Variants in TNXB observed in about 807,000 individuals in gnomAD.
TNXB encodes the protein tenascin-X.
In TNXB, 183 loss-of-function variants were observed where a neutral mutation model predicts 340.5. The observed-to-expected ratio is 0.54, with a 90% CI of 0.48 to 0.61. The LOEUF is 0.61. TNXB is among the 20% of genes least tolerant of loss of function. TNXB has a pLI of 0.00. For missense variants in TNXB, 4,613 were observed against 5,446.4 expected (o/e 0.85, Z 4.82); for synonymous variants, 2,121 against 2,314.5 (o/e 0.92, Z 2.40).
Position 32,090,303 on chromosome 6 carries a change from A to C in TNXB, c.2359-924T>G, listed in dbSNP as rs1348985776. On this transcript the variant is annotated intron_variant, in intron 4 of 43. Coordinates refer to ENST00000644971, the MANE Select transcript of TNXB (RefSeq NM_001365276.2). The surrounding 1 kb of genome is among the most constrained non-coding windows in gnomAD (Gnocchi z 4.3). ...TAGCAAATGCTTGTGAGAAAACAAC[A>C]CTCCTACAAGTGTACATTTAAGGAA... Among the ~76,000 whole-genome samples the C allele has an allele frequency of 6.6e-6, 1 of 152,086 alleles. No homozygotes were observed. The highest frequency in any genetic ancestry group is 1.5e-5 in the Non-Finnish European group (1 of 68,026).
Position 32,086,274 on chromosome 6 carries a change from G to A in TNXB, c.2780-156C>T, listed in dbSNP as rs143741175. On this transcript the variant is annotated intron_variant, in intron 6 of 43. Transcript: ENST00000644971. ...GGCCACTCCCTCCTCCCAAAGGTCA[G>A]CCAATCCTCCAAACACCCCCATCTA... Among the ~76,000 whole-genome samples the A allele has an allele frequency of 7.4e-4, 113 of 152,282 alleles. No homozygotes were observed. In the Middle Eastern group the frequency reaches 0.014, roughly 18 times the overall value.
At chr6:32,105,850 A>T (rs948760357) in intron 1 of TNXB, among the ~76,000 whole-genome samples, 1 of 152,246 alleles carries the variant, frequency 6.6e-6, no homozygotes, top group South Asian at 2.1e-4. Flanking sequence ...AACATAGCTC[A>T]TAATAGCCCC....
intron 4 of TNXB, among the ~76,000 whole-genome samples, chr6:32,091,284 A>G (rs961544988): frequency 1.3e-4 from 20 of 151,738 alleles, no homozygotes; most frequent in Non-Finnish European, 1.3e-4. Flanking sequence ...CTAATTTTGT[A>G]TTTTTAGTAG....
In TNXB at chr6:32,096,792, T is replaced by TCCACGCAGCGCCCGC; in HGVS notation, c.1046_1060dup (p.Gly349_Val353dup). On this transcript the variant is annotated inframe_insertion, in exon 3 of 44. Transcript: ENST00000644971. ...CCCGGGCCAGCACACGCAGCGGCCG[T>TCCACGCAGCGCCCGC]CCACGCAGCGCCCGCCCTCGCCACA... 2 of 1,580,512 alleles carry TCCACGCAGCGCCCGC rather than the reference T, an allele frequency of 1.3e-6. No individual in the cohort carries two copies. Among genetic ancestry groups the TCCACGCAGCGCCCGC allele is most frequent in the East Asian group, 2.3e-5 (1 of 42,720 alleles).
rs1464969608 is a variant in TNXB at position 32,098,132 on chromosome 6, C to T, written c.67G>A (p.Ala23Thr). 1 of 1,590,146 alleles carries T rather than the reference C, an allele frequency of 6.3e-7. No homozygotes were observed. Among genetic ancestry groups the T allele is most frequent in the South Asian group, 1.1e-5 (1 of 88,762 alleles). The change falls in exon 2 of 44, where the codon GCA becomes ACA. Residue 23 changes from alanine to threonine, a missense_variant. Ala to Thr is a moderately conservative substitution (Grantham distance 58). This residue lies in a region of TNXB where 4,327 missense variants were observed against 4,859.4 expected (regional missense o/e 0.89). Coordinates refer to ENST00000644971, the MANE Select transcript of TNXB (RefSeq NM_001365276.2). ...TTGGACCGTGAAGAGAAGGGGCCTG[C>T]TCTGGCTGTGCTCAGCAGCACCAGG... ...VLLVLLSTAR[A>T]GPFSSRSNVT...
rs1369334451 is a variant in TNXB at position 32,070,026 on chromosome 6, G to A, written c.5278+101C>T. The A allele has an allele frequency of 2.1e-6, 3 of 1,422,502 alleles. No homozygotes were observed. The highest frequency in any genetic ancestry group is 2.4e-5 in the East Asian group (1 of 41,006). The allele number at this position is 1,422,502 out of a possible 1,614,324, so 88.1% of individuals were successfully genotyped here. On this transcript the variant is annotated intron_variant, in intron 14 of 43. Coordinates refer to ENST00000644971, the MANE Select transcript of TNXB (RefSeq NM_001365276.2). This position sits in a 1 kb window ranked among gnomAD's most constrained non-coding sequence, Gnocchi z 6.0. ...ACGTGGGGAGCTGGATCTGAGCCGAGTGGCTGGGGCCAAATAATGGTAATG... is the reference window on the plus strand; with the variant it reads ...ACGTGGGGAGCTGGATCTGAGCCGAATGGCTGGGGCCAAATAATGGTAATG...
rs1048427723 is a variant in TNXB, at chr6:32,067,544, G to A, written c.6544+117C>T. ...AGATCACACCTGTCCTGAGCCTTTAGTGAACAGGGTGTATTACAGGTTTGA... is the reference window on the plus strand; with the variant it reads ...AGATCACACCTGTCCTGAGCCTTTAATGAACAGGGTGTATTACAGGTTTGA... On this transcript the variant is annotated intron_variant, in intron 18 of 43. Coordinates refer to ENST00000644971, the MANE Select transcript of TNXB (RefSeq NM_001365276.2). The surrounding 1 kb of genome is among the most constrained non-coding windows in gnomAD (Gnocchi z 4.2). 3.7e-6 allele frequency: 5 copies of A among 1,342,442 alleles called. No individual in the cohort carries two copies. Among genetic ancestry groups the A allele is most frequent in the Non-Finnish European group, 5.0e-6 (5 of 1,008,014 alleles). 83.2% of individuals were successfully genotyped at this position (1,342,442 alleles called of 1,614,324 possible).
chr6:32,103,781 A>T (rs1363388893), intron 1 of TNXB, among the ~76,000 whole-genome samples: 1 of 132,986 alleles, frequency 7.5e-6, no homozygotes, highest in African/African-American at 2.9e-5. Context: ...CCCAGGCTGG[A>T]GTGCAGTGGC....
At chr6:32,076,351 A>T in intron 11 of TNXB, among the ~76,000 whole-genome samples, 1 of 152,310 alleles carries the variant, frequency 6.6e-6, no homozygotes, top group African/African-American at 2.4e-5. Context: ...TGGCAACTGC[A>T]CTGTGTGTGC....
rs1778541956 is a variant in TNXB, at chr6:32,068,526, G to A, written c.6084C>T (p.Pro2028=). ...LVQYRNGDGQ[P]KAVRVPGHEE... ...CGTGCCCTGGCACCCTCACTGCCTTGGGCTGCCCATCTCCATTCCTGTACT... is the reference window on the plus strand; with the variant it reads ...CGTGCCCTGGCACCCTCACTGCCTTAGGCTGCCCATCTCCATTCCTGTACT... Residue 2028 remains proline, a synonymous_variant, in exon 17 of 44, where the codon CCC becomes CCT. Transcript: ENST00000644971. This position sits in a 1 kb window ranked among gnomAD's most constrained non-coding sequence, Gnocchi z 5.3. 1 of 1,613,850 alleles carries A rather than the reference G, an allele frequency of 6.2e-7. No homozygotes were observed. The highest frequency in any genetic ancestry group is 8.5e-7 in the Non-Finnish European group (1 of 1,179,912).
At position 32,097,235 on chromosome 6, in the gene TNXB, G is replaced by A. The variant is rs372353555; in HGVS notation, c.618C>T (p.Pro206=). 1.4e-5 allele frequency: 22 copies of A among 1,605,592 alleles called. No individual in the cohort carries two copies. The highest frequency in any genetic ancestry group is 2.2e-5 in the East Asian group (1 of 44,514). ...RCVRGRCVCF[P]GYTGPSCGWP... ...AGCCACAGCTGGGGCCAGTGTAGCCGGGAAAGCACACGCAACGACCACGGA... is the reference window on the plus strand; with the variant it reads ...AGCCACAGCTGGGGCCAGTGTAGCCAGGAAAGCACACGCAACGACCACGGA... Residue 206 remains proline, a synonymous_variant, in exon 3 of 44, where the codon CCC becomes CCT. Coordinates refer to ENST00000644971, the MANE Select transcript of TNXB (RefSeq NM_001365276.2). The surrounding 1 kb of genome is among the most constrained non-coding windows in gnomAD (Gnocchi z 5.9).
Position 32,079,491 on chromosome 6 carries a change from T to TGACCGAATGG in TNXB, c.4043-127_4043-126insCCATTCGGTC. On this transcript the variant is annotated intron_variant, in intron 10 of 43. Transcript: ENST00000644971. This position sits in a 1 kb window ranked among gnomAD's most constrained non-coding sequence, Gnocchi z 7.1. ...TGTAGCCTTTGTATTTGCCATTCGG[T>TGACCGAATGG]CACTCACGGATGGAGAAGGCTGAGA... 1 of 805,276 alleles carries TGACCGAATGG rather than the reference T, an allele frequency of 1.2e-6. No individual in the cohort carries two copies. Among genetic ancestry groups the TGACCGAATGG allele is most frequent in the Non-Finnish European group, 1.9e-6 (1 of 521,078 alleles). 49.9% of individuals were successfully genotyped at this position (805,276 alleles called of 1,614,324 possible). A position where few individuals can be genotyped will look rare whatever the true frequency, so the allele number is the denominator to read the frequency against.
rs769432397 is a variant in TNXB, at chr6:32,068,786, C to A, written c.5902+36G>T. 1.3e-6 allele frequency: 2 copies of A among 1,592,218 alleles called. No individual in the cohort carries two copies. The highest frequency in any genetic ancestry group is 1.3e-5 in the African/African-American group (1 of 74,676). ...TCTGCTGTCCTCTGGACTCTCCCAG[C>A]CATCTGAAAGGAGGCATAGTGGGCA... On this transcript the variant is annotated intron_variant, in intron 16 of 43. Coordinates refer to ENST00000644971, the MANE Select transcript of TNXB (RefSeq NM_001365276.2). The surrounding 1 kb of genome is among the most constrained non-coding windows in gnomAD (Gnocchi z 5.3).
In TNXB at chr6:32,049,862, G is replaced by A; in HGVS notation, c.9439+136C>T. 7.1e-7 allele frequency: 1 copy of A among 1,403,934 alleles called. No homozygotes were observed. Among genetic ancestry groups the A allele is most frequent in the Non-Finnish European group, 9.7e-7 (1 of 1,026,018 alleles). 87.0% of individuals were successfully genotyped at this position (1,403,934 alleles called of 1,614,324 possible). A position where few individuals can be genotyped will look rare whatever the true frequency, so the allele number is the denominator to read the frequency against. On this transcript the variant is annotated intron_variant, in intron 27 of 43. Coordinates refer to ENST00000644971, the MANE Select transcript of TNXB (RefSeq NM_001365276.2). This position sits in a 1 kb window ranked among gnomAD's most constrained non-coding sequence, Gnocchi z 4.5. ...GGGTCAACCACATAGGAAGGCCCAAGGGGAGTCCCAGCCCCAGCCACAAGC... is the reference window on the plus strand; with the variant it reads ...GGGTCAACCACATAGGAAGGCCCAAAGGGAGTCCCAGCCCCAGCCACAAGC...
intron 25 of TNXB, 125 bp downstream of exon 25, chr6:32,053,263 G>A: frequency 6.9e-7 from 1 of 1,441,862 alleles, no homozygotes; most frequent in East Asian, 2.5e-5. Context: ...AGGGAAGTGG[G>A]GAAAGACAAA....
In TNXB at chr6:32,081,899, G is replaced by T. The variant is rs1779473946; in HGVS notation, c.3736+137C>A. 1 of 870,228 alleles carries T rather than the reference G, an allele frequency of 1.1e-6. No individual in the cohort carries two copies. Among genetic ancestry groups the T allele is most frequent in the Non-Finnish European group, 1.8e-6 (1 of 571,188 alleles). The allele number at this position is 870,228 out of a possible 1,614,324, so 53.9% of individuals were successfully genotyped here. ...CCCAGCAGTGCGGGGGAGTCTGGCT[G>T]CCCCTCAGCCCTGGAGTGGGGCCGG... On this transcript the variant is annotated intron_variant, in intron 9 of 43. Coordinates refer to ENST00000644971, the MANE Select transcript of TNXB (RefSeq NM_001365276.2). The surrounding 1 kb of genome is among the most constrained non-coding windows in gnomAD (Gnocchi z 5.1).
chr6:32,101,554 G>A (rs1363575047), intron 1 of TNXB, among the ~76,000 whole-genome samples: 1 of 150,564 alleles, frequency 6.6e-6, no homozygotes, highest in Admixed American at 6.6e-5. Flanking sequence ...CTCCCACAGT[G>A]CTGGGATTAC....
chr6:32,093,554 C>A, intron 4 of TNXB: 1 of 522,410 alleles, frequency 1.9e-6, no homozygotes. Context: ...GGCTTTAGGC[C>A]CAGGGAGTTG....
intron 4 of TNXB, among the ~76,000 whole-genome samples, chr6:32,092,024 G>T (rs1485154771): frequency 6.6e-6 from 1 of 152,170 alleles, no homozygotes; most frequent in African/African-American, 2.4e-5. Flanking sequence ...TTCTCATTCA[G>T]GAACTCATCT....
Sources: gnomAD v4.1 joint callset for allele counts (sites outside exome capture counted in the v4.1 genomes callset) on GRCh38, gnomAD v4.1.1 for gene constraint, gnomAD v4.1.1 regional missense constraint, Gnocchi (gnomAD v3.1) non-coding constraint, MANE v1.5 for transcripts, NCBI Gene and HGNC (gene_info 2026-07-23, HGNC 2026-07-21) for gene names.